The following CERS4 variants were observed in gnomAD, a reference collection of about 807,000 sequenced individuals.
The protein encoded by CERS4 is ceramide synthase 4.
Under a neutral mutation model 51.8 loss-of-function variants are expected in CERS4, and 65 were observed. That is an observed-to-expected ratio of 1.26 (90% CI 1.03 to 1.54). The LOEUF is 1.54. CERS4 is among the 40% of genes most tolerant of loss of function. The pLI is 0.00. For missense variants in CERS4, 563 were observed against 500.4 expected (o/e 1.13, Z -1.19); for synonymous variants, 228 against 208.4 (o/e 1.09, Z -0.81).
intron 2 of CERS4, among the ~76,000 whole-genome samples, chr19:8,218,553 T>G (rs374120330): frequency 2.4e-4 from 36 of 152,130 alleles, no homozygotes; most frequent in Middle Eastern, 3.4e-3. Flanking sequence ...GACAGGGCAG[T>G]GCGTTCGGCC....
intron 10 of CERS4, among the ~76,000 whole-genome samples, chr19:8,260,555 AAAG>A (rs1203981493): frequency 2.0e-5 from 3 of 151,166 alleles, no homozygotes; most frequent in Non-Finnish European, 2.9e-5. Context: ...CCTACAGGGA[AAAG>A]AAATAAGTTG....
intron 2 of CERS4, among the ~76,000 whole-genome samples, chr19:8,223,705 G>C (rs926699433): frequency 9.2e-5 from 14 of 152,138 alleles, no homozygotes; most frequent in Non-Finnish European, 5.9e-5. Flanking sequence ...AGGATCACTT[G>C]AGCCTGGGAG....
intron 2 of CERS4, among the ~76,000 whole-genome samples, chr19:8,240,969 G>A (rs1357086199): frequency 6.6e-6 from 1 of 151,810 alleles, no homozygotes; most frequent in Non-Finnish European, 1.5e-5. Context: ...CAAGCTGGGA[G>A]TGGGGCCAGG....
At chr19:8,253,637 T>C (rs1287729416) in intron 3 of CERS4, among the ~76,000 whole-genome samples, 1 of 151,886 alleles carries the variant, frequency 6.6e-6, no homozygotes, top group Non-Finnish European at 1.5e-5. Flanking sequence ...GCTAATTTTT[T>C]GTATTTTCAG....
chr19:8,260,953 A>AC, intron 10 of CERS4: 1 of 89,370 alleles, frequency 1.1e-5, no homozygotes, highest in Non-Finnish European at 2.2e-5. Flanking sequence ...TCCATCTCAA[A>AC]AAAAAAAAAA....
At chr19:8,245,126 A>ACAAAAAAAAACAAAAAAACAAAC (rs1555777241) in intron 2 of CERS4, among the ~76,000 whole-genome samples, 1 of 148,130 alleles carries the variant, frequency 6.8e-6, no homozygotes, top group Admixed American at 6.7e-5. Flanking sequence ...AAAAAAAAAA[A>ACAAAAAAAAACAAAAAAACAAAC]AAAAAAAAAC....
At chr19:8,234,124 G>A (rs1381280983) in intron 2 of CERS4, among the ~76,000 whole-genome samples, 1 of 151,512 alleles carries the variant, frequency 6.6e-6, no homozygotes, top group Non-Finnish European at 1.5e-5. Flanking sequence ...GGCTAACACG[G>A]TGAAACCCCG....
At chr19:8,248,542 CTGGGTGGACAGATGTTTAGA>C (rs1167708119) in intron 2 of CERS4, among the ~76,000 whole-genome samples, 18 of 147,400 alleles carry the variant, frequency 1.2e-4, no homozygotes, top group South Asian at 8.7e-4. Flanking sequence ...TGGATGATGG[CTGGGTGGACAGATGTTTAGA>C]TGGGTGGACA....
chr19:8,227,792 G>C (rs1453594895), intron 2 of CERS4, among the ~76,000 whole-genome samples: 1 of 152,182 alleles, frequency 6.6e-6, no homozygotes, highest in East Asian at 1.9e-4. Flanking sequence ...CACACAGAGA[G>C]AAAGTAGAAT....
chr19:8,231,873 T>TTTTTTTTTTTTTTTTTTTG (rs61532670), intron 2 of CERS4, among the ~76,000 whole-genome samples: 1 of 119,548 alleles, frequency 8.4e-6, no homozygotes, highest in Admixed American at 8.5e-5. Flanking sequence ...TTTTTTTTTT[T>TTTTTTTTTTTTTTTTTTTG]AGAGACAGTC....
intron 2 of CERS4, among the ~76,000 whole-genome samples, chr19:8,217,168 G>A (rs1378638119): frequency 1.3e-5 from 2 of 152,078 alleles, no homozygotes; most frequent in Non-Finnish European, 2.9e-5. Context: ...TGGGCAGTCA[G>A]GACCCCTCTG....
chr19:8,252,836 A>G (rs1249072909), intron 3 of CERS4, among the ~76,000 whole-genome samples: 3 of 152,086 alleles, frequency 2.0e-5, no homozygotes, highest in Admixed American at 2.0e-4. Context: ...TCCACCTCCA[A>G]AATGAGACTT....
chr19:8,253,465 TTTTTTTG>T (rs1374737745), intron 3 of CERS4, among the ~76,000 whole-genome samples: 3 of 148,564 alleles, frequency 2.0e-5, no homozygotes, highest in Non-Finnish European at 4.5e-5. Context: ...TTTTTTTTTT[TTTTTTTG>T]GGGAGACAGA....
chr19:8,235,112 A>T (rs904817085), intron 2 of CERS4, among the ~76,000 whole-genome samples: 2 of 148,764 alleles, frequency 1.3e-5, no homozygotes, highest in African/African-American at 2.5e-5. Context: ...GGGTTCAAGC[A>T]ATTCTCCTGA....
chr19:8,234,456 C>T (rs1489751299), intron 2 of CERS4, among the ~76,000 whole-genome samples: 4 of 151,782 alleles, frequency 2.6e-5, no homozygotes, highest in African/African-American at 9.7e-5. Context: ...GCTTCCAGAA[C>T]CTTTTTGTTT....
intron 7 of CERS4, 58 bp from the exon 8 acceptor site, chr19:8,256,559 AC>A: frequency 1.3e-6 from 2 of 1,496,200 alleles, no homozygotes; most frequent in Non-Finnish European, 1.8e-6. Flanking sequence ...CCGGAGCCAT[AC>A]CCCTGCCCGA....
intron 2 of CERS4, among the ~76,000 whole-genome samples, chr19:8,220,139 C>T (rs34195752): frequency 0.25 from 37,849 of 151,812 alleles, 6,121 homozygotes; most frequent in Non-Finnish European, 0.37. Context: ...CGCCCCCTCC[C>T]ACCCCTCGGC....
chr19:8,255,464 A>G, intron 4 of CERS4, 143 bp from the exon 5 acceptor site: 1 of 737,378 alleles, frequency 1.4e-6, no homozygotes. Context: ...GACCCCCAAC[A>G]CTGCCCCTCC....
At chr19:8,260,711 A>G (rs1376459546) in intron 10 of CERS4, among the ~76,000 whole-genome samples, 1 of 151,536 alleles carries the variant, frequency 6.6e-6, no homozygotes, top group Non-Finnish European at 1.5e-5. Context: ...GCACTTTGGG[A>G]GGCTGAGGTG....
Sources: allele counts gnomAD v4.1 joint callset (sites outside exome capture counted in the v4.1 genomes callset), GRCh38; gene constraint gnomAD v4.1.1; transcripts MANE v1.5; gene names NCBI Gene and HGNC (gene_info 2026-07-23, HGNC 2026-07-21).